CSMD1: variants seen among roughly 807,000 people sequenced by gnomAD.
CSMD1 encodes CUB and sushi domain-containing protein 1.
CSMD1 carries 213 observed loss-of-function variants against 417.5 expected under a neutral mutation model. The ratio of observed to expected loss-of-function variants is 0.51; its 90% CI spans 0.46 to 0.57. The LOEUF (loss-of-function observed/expected upper bound fraction) is 0.57. CSMD1 is among the 20% of genes least tolerant of loss of function. The pLI, the probability that CSMD1 is intolerant of heterozygous loss-of-function variation, is 0.00. For missense variants in CSMD1, 6,923 were observed against 4,529.7 expected (o/e 1.53, Z -15.17); for synonymous variants, 2,862 against 1,736.8 (o/e 1.65, Z -16.11).
At chr8:3,600,374 T>C (rs1801304620) in intron 8 of CSMD1, among the ~76,000 whole-genome samples, 1 of 152,126 alleles carries the variant, frequency 6.6e-6, no homozygotes. Flanking sequence ...TGATAAACCA[T>C]CTAACTAGCT....
intron 1 of CSMD1, among the ~76,000 whole-genome samples, chr8:4,842,944 T>C (rs1056330009): frequency 2.0e-5 from 3 of 152,228 alleles, no homozygotes; most frequent in African/African-American, 7.2e-5. Context: ...CCAGTGTATG[T>C]GAAAATCAGC....
At chr8:4,145,697 C>T in intron 3 of CSMD1, among the ~76,000 whole-genome samples, 1 of 150,974 alleles carries the variant, frequency 6.6e-6, no homozygotes, top group East Asian at 1.9e-4. Flanking sequence ...CCACATTCCG[C>T]ATTTCTTAAT....
At chr8:4,209,518 G>A (rs574852302) in intron 3 of CSMD1, among the ~76,000 whole-genome samples, 2 of 152,252 alleles carry the variant, frequency 1.3e-5, no homozygotes, top group South Asian at 2.1e-4. Context: ...CTCCTCTCTG[G>A]GAAACAGGAG....
intron 5 of CSMD1, among the ~76,000 whole-genome samples, chr8:3,853,865 A>ATTATACT (rs1235153913): frequency 1.4e-5 from 2 of 147,724 alleles, no homozygotes; most frequent in Admixed American, 1.4e-4. Context: ...AACTTAATAT[A>ATTATACT]TTATACTTTA....
intron 5 of CSMD1, among the ~76,000 whole-genome samples, chr8:3,818,869 C>A (rs1037374616): frequency 3.9e-5 from 6 of 152,176 alleles, no homozygotes; most frequent in African/African-American, 1.4e-4. Flanking sequence ...AACAGCCTTG[C>A]TCACACTTCC....
chr8:4,285,837 T>C (rs1053668346), intron 3 of CSMD1, among the ~76,000 whole-genome samples: 1 of 152,222 alleles, frequency 6.6e-6, no homozygotes, highest in African/African-American at 2.4e-5. Flanking sequence ...TGTCCTTGGC[T>C]ATTTTAATCA....
chr8:4,147,748 C>T (rs1796335865), intron 3 of CSMD1, among the ~76,000 whole-genome samples: 1 of 152,068 alleles, frequency 6.6e-6, no homozygotes, highest in African/African-American at 2.4e-5. Flanking sequence ...TTAACAACCC[C>T]CGGCAAGCCA....
chr8:4,926,122 G>T (rs937480649), intron 1 of CSMD1, among the ~76,000 whole-genome samples: 3 of 152,106 alleles, frequency 2.0e-5, no homozygotes, highest in Admixed American at 1.3e-4. Flanking sequence ...TTTTATCAAT[G>T]CCGATATTCA....
At chr8:3,160,667 G>T (rs1348089681) in intron 38 of CSMD1, among the ~76,000 whole-genome samples, 1 of 152,126 alleles carries the variant, frequency 6.6e-6, no homozygotes, top group Non-Finnish European at 1.5e-5. Context: ...TCTTACGAAG[G>T]TGGCTTTATA....
At chr8:4,062,136 G>A (rs1799004781) in intron 3 of CSMD1, among the ~76,000 whole-genome samples, 1 of 152,026 alleles carries the variant, frequency 6.6e-6, no homozygotes, top group Non-Finnish European at 1.5e-5. Context: ...GTCAGTGGAG[G>A]CTCATGATAT....
intron 2 of CSMD1, among the ~76,000 whole-genome samples, chr8:4,621,814 A>G (rs1414104433): frequency 6.6e-6 from 1 of 152,164 alleles, no homozygotes; most frequent in Non-Finnish European, 1.5e-5. Flanking sequence ...ATATATTTGA[A>G]AAATCTAGTG....
At chr8:4,788,574 A>G in intron 1 of CSMD1, 1 of 1,318,666 alleles carries the variant, frequency 7.6e-7, no homozygotes, top group Non-Finnish European at 1.0e-6. Flanking sequence ...AAAATCAGAG[A>G]ATGTAATTTA....
chr8:4,097,467 A>G (rs548837810), intron 3 of CSMD1, among the ~76,000 whole-genome samples: 18 of 152,320 alleles, frequency 1.2e-4, no homozygotes, highest in African/African-American at 4.1e-4. Flanking sequence ...GGTTGTAATA[A>G]TTTGTGCCAA....
chr8:3,129,263 G>A (rs1040615220), intron 41 of CSMD1, among the ~76,000 whole-genome samples: 20 of 152,128 alleles, frequency 1.3e-4, no homozygotes, highest in African/African-American at 4.3e-4. Flanking sequence ...TCTAAATACT[G>A]ATAATTGATT....
chr8:3,448,314 AGGAAGGAAGGGAG>A (rs1815435736), intron 12 of CSMD1, among the ~76,000 whole-genome samples: 1 of 9,732 alleles, frequency 1.0e-4, no homozygotes, highest in Non-Finnish European at 2.1e-4. Context: ...GAAGGAAGGA[AGGAAGGAAGGGAG>A]CAAGGGAGGG....
chr8:4,151,583 C>T (rs918564563), intron 3 of CSMD1, among the ~76,000 whole-genome samples: 5 of 152,076 alleles, frequency 3.3e-5, no homozygotes, highest in Non-Finnish European at 5.9e-5. Flanking sequence ...AAATGTTATC[C>T]TTGTCAGATA....
At chr8:3,088,728 G>C (rs61236230) in intron 48 of CSMD1, among the ~76,000 whole-genome samples, 31,603 of 150,106 alleles carry the variant, frequency 0.21, 3,706 homozygotes, top group South Asian at 0.32. Context: ...TCTACCTCCA[G>C]TTATTTCTAG....
At chr8:3,396,632 C>G (rs112110016) in intron 16 of CSMD1, among the ~76,000 whole-genome samples, 143 of 152,122 alleles carry the variant, frequency 9.4e-4, no homozygotes, top group African/African-American at 3.4e-3. Context: ...CAAGAGGAGG[C>G]CTTTATTCAG....
intron 5 of CSMD1, among the ~76,000 whole-genome samples, chr8:3,896,341 G>C (rs924806991): frequency 6.6e-6 from 1 of 152,084 alleles, no homozygotes; most frequent in Non-Finnish European, 1.5e-5. Flanking sequence ...TACTCACTTT[G>C]CTGAATTAGC....
Sources: allele counts gnomAD v4.1 joint callset (sites outside exome capture counted in the v4.1 genomes callset), GRCh38; gene constraint gnomAD v4.1.1; transcripts MANE v1.5; gene names NCBI Gene and HGNC (gene_info 2026-07-23, HGNC 2026-07-21).